The following CCDC144A variants were observed in gnomAD, a reference collection of about 807,000 sequenced individuals.
CCDC144A encodes coiled-coil domain containing 144A.
CCDC144A carries 41 observed loss-of-function variants against 143.8 expected under a neutral mutation model. The ratio of observed to expected loss-of-function variants is 0.29; its 90% confidence interval spans 0.22 to 0.37. The LOEUF (loss-of-function observed/expected upper bound fraction) is 0.37. Among genes scored for constraint, CCDC144A ranks in the 10% least tolerant of loss-of-function variants. The pLI is 1.00. For synonymous variants in CCDC144A, 242 were observed against 517.9 expected (o/e 0.47, Z 7.23); for missense variants, 637 against 1,488.8 (o/e 0.43, Z 9.41).
chr17:16,709,005 G>C lies in CCDC144A; in HGVS notation c.948G>C (p.Glu316Asp). 1 of 1,611,598 alleles carries C rather than the reference G, an allele frequency of 6.2e-7. No individual in the cohort carries two copies. Among genetic ancestry groups the C allele is most frequent in the Non-Finnish European group, 8.5e-7 (1 of 1,179,612 alleles). Residue 316 changes from glutamate (E) to aspartate (D), a missense_variant, in exon 5 of 17, where the codon GAG becomes GAC. Transcript: ENST00000399273. ...AATACAAAATTCCGGCTTGTCCTGA[G>C]GAAGAGCCACTACTTGATAACTCTA... ...YEKYKIPACP[E>D]EEPLLDNSTR...
chr17:16,688,490 T>TG (rs1910866395), upstream of CCDC144A, among the ~76,000 whole-genome samples: 1 of 123,068 alleles, frequency 8.1e-6, no homozygotes, highest in Non-Finnish European at 1.6e-5. Context: ...TTCTGTTTTT[T>TG]TTTTTTTTTT....
chr17:16,759,843 T>C (rs1275967952), intron 12 of CCDC144A, among the ~76,000 whole-genome samples: 3 of 152,248 alleles, frequency 2.0e-5, no homozygotes, highest in Non-Finnish European at 4.4e-5. Flanking sequence ...AAATGCAGTG[T>C]CTCAAAACAA....
At chr17:16,736,331 C>T (rs2621557) in intron 12 of CCDC144A, among the ~76,000 whole-genome samples, 6 of 147,986 alleles carry the variant, frequency 4.1e-5, no homozygotes, top group Non-Finnish European at 5.9e-5. Flanking sequence ...AGGCTGGTCT[C>T]GAACTCCTGA....
rs1195129340 is a variant in CCDC144A, at chr17:16,772,028, C to A, written c.4141+9C>A. The A allele has an allele frequency of 6.6e-7, 1 of 1,526,254 alleles. No individual in the cohort carries two copies. The highest frequency in any genetic ancestry group is 1.2e-5 in the South Asian group (1 of 81,524). 94.5% of individuals were successfully genotyped at this position (1,526,254 alleles called of 1,614,324 possible). ...AACTGCAGAAGTAGCAGGTATGTTA[C>A]CAAAATTTATGAATTAAATTTAGAT... is the stretch of plus-strand genomic sequence containing the variant. On this transcript the variant is annotated intron_variant, in intron 16 of 16. Coordinates refer to ENST00000399273, the MANE Select transcript of CCDC144A (RefSeq NM_001382000.1).
chr17:16,700,315 C>A (rs1229095769), intron 2 of CCDC144A, among the ~76,000 whole-genome samples: 1 of 152,162 alleles, frequency 6.6e-6, no homozygotes, highest in East Asian at 1.9e-4. Context: ...ACCAGAGTTT[C>A]ATTAGAGGCT....
At chr17:16,725,707 T>G (rs1913379104) in intron 8 of CCDC144A, among the ~76,000 whole-genome samples, 1 of 146,548 alleles carries the variant, frequency 6.8e-6, no homozygotes, top group Admixed American at 6.9e-5. Context: ...TGCGCCAAAA[T>G]CTCAGAAACC....
intron 12 of CCDC144A, chr17:16,746,218 T>C: frequency 7.1e-7 from 1 of 1,409,634 alleles, no homozygotes; most frequent in Non-Finnish European, 9.6e-7. Context: ...TTAAGAAGCT[T>C]AATCCTTACT....
chr17:16,728,356 T>C (rs1189151017), intron 9 of CCDC144A, among the ~76,000 whole-genome samples: 1 of 152,224 alleles, frequency 6.6e-6, no homozygotes, highest in African/African-American at 2.4e-5. Flanking sequence ...ATTTTTTATA[T>C]AAATGTTTTT....
intron 6 of CCDC144A, among the ~76,000 whole-genome samples, chr17:16,716,228 G>A (rs984016856): frequency 1.3e-5 from 2 of 152,098 alleles, no homozygotes; most frequent in African/African-American, 2.4e-5. Context: ...TAAAAAACAA[G>A]CAAACAAACA....
chr17:16,730,003 T>C (rs1180026631), intron 9 of CCDC144A, among the ~76,000 whole-genome samples: 4 of 137,074 alleles, frequency 2.9e-5, no homozygotes, highest in Non-Finnish European at 6.2e-5. Context: ...CACACATACA[T>C]TTTTTGTTTT....
At chr17:16,746,735 C>T (rs1341906054) in intron 12 of CCDC144A, 1 of 1,611,230 alleles carries the variant, frequency 6.2e-7, no homozygotes, top group Non-Finnish European at 8.5e-7. Context: ...CTTGGTGAGG[C>T]CCGGAGGCAG....
chr17:16,741,235 G>GA (rs1914241584), intron 12 of CCDC144A, among the ~76,000 whole-genome samples: 1 of 152,220 alleles, frequency 6.6e-6, no homozygotes, highest in Non-Finnish European at 1.5e-5. Flanking sequence ...TGTGGCTTGG[G>GA]AAAACCTTGG....
upstream of CCDC144A, among the ~76,000 whole-genome samples, chr17:16,687,435 T>C (rs1458318516): frequency 6.6e-6 from 1 of 152,164 alleles, no homozygotes; most frequent in Non-Finnish European, 1.5e-5. Flanking sequence ...TATTAGTCTT[T>C]TGTTTTCCTT....
chr17:16,674,615 G>A, the CCDC144A span, among the ~76,000 whole-genome samples: 4 of 150,808 alleles, frequency 2.7e-5, no homozygotes, highest in Non-Finnish European at 5.9e-5. Context: ...AGGGAAGGAG[G>A]GAAAGAAAGA....
chr17:16,707,246 T>A (rs1365824137), intron 3 of CCDC144A: 3 of 460,726 alleles, frequency 6.5e-6, no homozygotes, highest in Non-Finnish European at 1.2e-5. Flanking sequence ...ATTGTATTTC[T>A]TTAACCTGGT....
At chr17:16,694,429 A>C (rs2621660) in intron 2 of CCDC144A, among the ~76,000 whole-genome samples, 2,460 of 152,130 alleles carry the variant, frequency 0.016, 74 homozygotes, top group African/African-American at 0.057. Flanking sequence ...AAAACAAATA[A>C]AAAATTAGCT....
intron 6 of CCDC144A, 103 bp downstream of exon 6, chr17:16,711,918 G>A (rs1280792968): frequency 1.5e-6 from 2 of 1,307,004 alleles, no homozygotes; most frequent in Non-Finnish European, 2.1e-6. Flanking sequence ...ATCACCTGAG[G>A]TCAGGAGTTC....
intron 12 of CCDC144A, chr17:16,745,779 T>G: frequency 6.2e-7 from 1 of 1,612,474 alleles, no homozygotes; most frequent in Non-Finnish European, 8.5e-7. Flanking sequence ...CAGTCGCTCT[T>G]TTCTGGGTGC....
chr17:16,749,984 T>G (rs999550268), intron 12 of CCDC144A, among the ~76,000 whole-genome samples: 3 of 152,236 alleles, frequency 2.0e-5, no homozygotes, highest in Admixed American at 1.3e-4. Context: ...CCATTACATG[T>G]GAGATGTGTC....
Sources: allele counts gnomAD v4.1 joint callset (sites outside exome capture counted in the v4.1 genomes callset), GRCh38; gene constraint gnomAD v4.1.1; transcripts MANE v1.5; gene names NCBI Gene and HGNC (gene_info 2026-07-23, HGNC 2026-07-21).